GIPC2: variants seen among roughly 807,000 people sequenced by gnomAD.
GIPC2 encodes the protein PDZ domain-containing protein GIPC2.
In GIPC2, 30 loss-of-function variants were observed where a neutral mutation model predicts 30.6. The observed-to-expected ratio is 0.98, with a 90% CI of 0.73 to 1.33. GIPC2 has a LOEUF of 1.33. Among genes scored for constraint, GIPC2 ranks in the 40% most tolerant of loss-of-function variants. The pLI is 0.00. For missense variants in GIPC2, 414 were observed against 390.3 expected (o/e 1.06, Z -0.51); for synonymous variants, 167 against 150.0 (o/e 1.11, Z -0.83).
intron 1 of GIPC2, among the ~76,000 whole-genome samples, chr1:78,070,311 C>G (rs1262922513): frequency 6.6e-6 from 1 of 152,052 alleles, no homozygotes; most frequent in Non-Finnish European, 1.5e-5. Context: ...CTCTCTTTGC[C>G]TGTTTAGAAT....
At chr1:78,077,985 G>A (rs866529143) in intron 1 of GIPC2, among the ~76,000 whole-genome samples, 3 of 151,622 alleles carry the variant, frequency 2.0e-5, no homozygotes, top group Admixed American at 6.6e-5. Context: ...TCAGGAGATC[G>A]AGACCATCCC....
chr1:78,082,933 C>G (rs1461946334), intron 2 of GIPC2, among the ~76,000 whole-genome samples: 1 of 48,148 alleles, frequency 2.1e-5, no homozygotes, highest in Non-Finnish European at 5.7e-5. Context: ...TTTGTTCTGT[C>G]TCATACACAC....
intron 2 of GIPC2, among the ~76,000 whole-genome samples, chr1:78,093,844 A>G (rs1245593288): frequency 7.9e-5 from 12 of 152,192 alleles, no homozygotes; most frequent in Middle Eastern, 3.2e-3. Context: ...TCACTGTGGA[A>G]GAACTTGTAC....
chr1:78,110,180 T>TAA (rs568123003), intron 3 of GIPC2, among the ~76,000 whole-genome samples: 3 of 135,264 alleles, frequency 2.2e-5, no homozygotes, highest in East Asian at 2.1e-4. Context: ...AAACTTAAAG[T>TAA]AAAAAAAAAA....
chr1:78,056,111 A>C (rs187435839), intron 1 of GIPC2, among the ~76,000 whole-genome samples: 109 of 152,242 alleles, frequency 7.2e-4, no homozygotes, highest in African/African-American at 2.5e-3. Context: ...CTTTATGGTC[A>C]TCATTGCTTT....
In GIPC2 at chr1:78,046,102, T is replaced by A. The variant is rs1315321459; in HGVS notation, c.8T>A (p.Leu3Gln). The A allele has an allele frequency of 3.4e-6, 5 of 1,469,174 alleles. No individual in the cohort carries two copies. Among genetic ancestry groups the A allele is most frequent in the African/African-American group, 1.5e-5 (1 of 67,252 alleles). The allele number at this position is 1,469,174 out of a possible 1,614,324, so 91.0% of individuals were successfully genotyped here. Residue 3 changes from leucine (L) to glutamine (Q), a missense_variant, in exon 1 of 6, where the codon CTG becomes CAG. Leu to Gln is a moderately radical substitution (Grantham distance 113, BLOSUM62 -2). Transcript: ENST00000370759. The stretch of plus-strand genomic sequence containing the variant: ...CGCTCTCGGCCCTGCAAGATGCCCC[T>A]GAAGCTGCGGGGGAAGAAGAAGGCC... MPLKLRGKKKAKS... is the reference protein window; with the variant it reads MPQKLRGKKKAKS...
At chr1:78,096,822 G>A (rs562305643) in intron 3 of GIPC2, among the ~76,000 whole-genome samples, 4 of 152,172 alleles carry the variant, frequency 2.6e-5, no homozygotes, top group Non-Finnish European at 5.9e-5. Context: ...TTCTGGTAGG[G>A]CTGTTGGTTA....
At chr1:78,107,903 A>G (rs1365414962) in intron 3 of GIPC2, among the ~76,000 whole-genome samples, 3 of 144,670 alleles carry the variant, frequency 2.1e-5, no homozygotes, top group Non-Finnish European at 3.0e-5. Flanking sequence ...TACGTATTGT[A>G]GCTTTACAGT....
intron 2 of GIPC2, chr1:78,094,749 A>G: frequency 2.2e-6 from 1 of 445,262 alleles, no homozygotes; most frequent in East Asian, 3.3e-5. Context: ...TGTTATGTCA[A>G]TACATTGTAT....
upstream of GIPC2, chr1:78,045,741 A>G: frequency 2.0e-6 from 2 of 985,490 alleles, no homozygotes; most frequent in Non-Finnish European, 2.4e-6. Context: ...AAAGCAGAGA[A>G]GGGCCAGCGT....
At chr1:78,067,730 C>T (rs1316854351) in intron 1 of GIPC2, among the ~76,000 whole-genome samples, 7 of 152,162 alleles carry the variant, frequency 4.6e-5, no homozygotes, top group Non-Finnish European at 7.4e-5. Flanking sequence ...GGATTATAGG[C>T]GTGAGCCACT....
chr1:78,124,284 A>G (rs1662741874), intron 4 of GIPC2, among the ~76,000 whole-genome samples: 1 of 152,218 alleles, frequency 6.6e-6, no homozygotes, highest in Admixed American at 6.5e-5. Flanking sequence ...ATGTTTTGGT[A>G]CCATTAATAC....
At chr1:78,055,178 AT>A (rs1432241772) in intron 1 of GIPC2, among the ~76,000 whole-genome samples, 1 of 152,088 alleles carries the variant, frequency 6.6e-6, no homozygotes, top group Non-Finnish European at 1.5e-5. Flanking sequence ...TTGCATCCTC[AT>A]GTAACAGAAG....
chr1:78,084,673 T>TA (rs1661894603), intron 2 of GIPC2, among the ~76,000 whole-genome samples: 1 of 152,326 alleles, frequency 6.6e-6, no homozygotes, highest in Admixed American at 6.5e-5. Flanking sequence ...GCTGTATTCC[T>TA]AGGTATTTTA....
intron 1 of GIPC2, among the ~76,000 whole-genome samples, chr1:78,078,755 A>AT (rs912881656): frequency 5.1e-5 from 7 of 136,704 alleles, no homozygotes; most frequent in Admixed American, 7.8e-5. Context: ...TGGTATTTTA[A>AT]TTTTTTTTTT....
At chr1:78,077,994 C>T (rs565847694) in intron 1 of GIPC2, among the ~76,000 whole-genome samples, 1 of 151,568 alleles carries the variant, frequency 6.6e-6, no homozygotes, top group Non-Finnish European at 1.5e-5. Context: ...CGAGACCATC[C>T]CGGCTAAAAC....
At chr1:78,133,346 G>A (rs1324546820) in intron 5 of GIPC2, among the ~76,000 whole-genome samples, 1 of 152,184 alleles carries the variant, frequency 6.6e-6, no homozygotes, top group Non-Finnish European at 1.5e-5. Context: ...CTGAGGACCA[G>A]CATCACCTGG....
chr1:78,065,271 G>C (rs1661483684), intron 1 of GIPC2, among the ~76,000 whole-genome samples: 1 of 151,954 alleles, frequency 6.6e-6, no homozygotes, highest in South Asian at 2.1e-4. Context: ...CACTGACAAT[G>C]GTCAAGCTGA....
chr1:78,045,854 A>G, upstream of GIPC2: 6 of 1,307,174 alleles, frequency 4.6e-6, no homozygotes, highest in South Asian at 9.3e-5. Context: ...TGGTGATAGG[A>G]TGAGGGACTA....
Sources: allele counts gnomAD v4.1 joint callset (sites outside exome capture counted in the v4.1 genomes callset), GRCh38; gene constraint gnomAD v4.1.1; transcripts MANE v1.5; gene names NCBI Gene and HGNC (gene_info 2026-07-23, HGNC 2026-07-21).